Variants in DMD observed in about 807,000 individuals in gnomAD.
DMD encodes mutant dystrophin.
In DMD, 63 loss-of-function variants were observed where a neutral mutation model predicts 330.1. The observed-to-expected ratio is 0.19, with a 90% CI of 0.16 to 0.24. The LOEUF (loss-of-function observed/expected upper bound fraction) is 0.24. Ranked by LOEUF, DMD falls within the 10% of genes least tolerant of loss-of-function variation. The probability of loss-of-function intolerance (pLI) is 1.00; values close to 1 mark genes in which losing one functional copy is unlikely to be tolerated. For synonymous variants in DMD, 1,223 were observed against 959.8 expected (o/e 1.27, Z -5.07); for missense variants, 3,344 against 2,684.1 (o/e 1.25, Z -5.43).
chrX:32,621,581 C>T (rs2057995817), intron 11 of DMD, among the ~76,000 whole-genome samples: 1 of 109,967 alleles, frequency 9.1e-6, no homozygotes, highest in Non-Finnish European at 1.9e-5. Flanking sequence ...CCCTTGGCCT[C>T]CCAAAAGTGC....
chrX:32,819,470 G>A (rs775838069), intron 5 of DMD, among the ~76,000 whole-genome samples: 1 of 111,220 alleles, frequency 9.0e-6, no homozygotes, highest in Non-Finnish European at 1.9e-5. Context: ...AAAAAGAATT[G>A]CACTTAAGAA....
intron 62 of DMD, among the ~76,000 whole-genome samples, chrX:31,306,180 TAAAATTAGTTTTCAAATTTAAAA>T (rs1289948259): frequency 2.7e-5 from 3 of 110,168 alleles, no homozygotes; most frequent in Non-Finnish European, 5.6e-5. Context: ...AGGGTTTATA[TAAAATTAGTTTTCAAATTTAAAA>T]AAAAATCCAG....
At chrX:31,522,091 C>T (rs754815390) in intron 55 of DMD, among the ~76,000 whole-genome samples, 7 of 109,988 alleles carry the variant, frequency 6.4e-5, no homozygotes, top group African/African-American at 2.3e-4. Context: ...ATTAGCCTTG[C>T]CCCCCAAGAT....
intron 7 of DMD, among the ~76,000 whole-genome samples, chrX:32,801,909 T>C (rs1213442347): frequency 8.9e-6 from 1 of 111,980 alleles, no homozygotes; most frequent in Non-Finnish European, 1.9e-5. Context: ...TTGGTTACTG[T>C]AGCCTTGTAG....
intron 44 of DMD, among the ~76,000 whole-genome samples, chrX:32,067,596 G>C (rs901092001): frequency 9.0e-6 from 1 of 111,107 alleles, no homozygotes; most frequent in East Asian, 2.8e-4. Flanking sequence ...TCATAACTGA[G>C]TACATATAGT....
chrX:32,591,530 G>A (rs191623870), intron 13 of DMD, among the ~76,000 whole-genome samples: 5 of 111,641 alleles, frequency 4.5e-5, no homozygotes, highest in Admixed American at 9.5e-5. Context: ...TATAAACCAC[G>A]CTCTCTTGAT....
At chrX:32,840,482 T>G (rs1234291577) in intron 4 of DMD, among the ~76,000 whole-genome samples, 2 of 111,400 alleles carry the variant, frequency 1.8e-5, no homozygotes, top group African/African-American at 6.5e-5. Context: ...AAAATATACA[T>G]AAGTGTACAA....
At chrX:31,743,767 G>A (rs979728802) in intron 51 of DMD, among the ~76,000 whole-genome samples, 2 of 111,562 alleles carry the variant, frequency 1.8e-5, no homozygotes, top group Admixed American at 1.9e-4. Context: ...AGTATCATTT[G>A]TACTCCAAAC....
In DMD at chrX:33,211,467, G is replaced by A. The variant is rs960566728; in HGVS notation, c.-155C>T. On this transcript the variant is annotated 5_prime_UTR_variant, in exon 1 of 79. Coordinates refer to ENST00000357033, the MANE Select transcript of DMD (RefSeq NM_004006.3). ...CAGTTTTTCCTATTCGTTTTTCTCC[G>A]AAGGTAATTGCCTCCCAGATCTGAG... 48 of 1,127,199 alleles carry A rather than the reference G, an allele frequency of 4.3e-5. No individual in the cohort carries two copies. Among genetic ancestry groups the A allele is most frequent in the Non-Finnish European group, 8.2e-6 (7 of 853,199 alleles). The allele number at this position is 1,127,199 out of a possible 1,213,427, so 92.9% of individuals were successfully genotyped here. A position where few individuals can be genotyped will look rare whatever the true frequency, so the allele number is the denominator to read the frequency against.
chrX:32,148,067 C>T (rs537331753), intron 44 of DMD, among the ~76,000 whole-genome samples: 15 of 109,352 alleles, frequency 1.4e-4, no homozygotes, highest in African/African-American at 4.3e-4. Flanking sequence ...TTAGTAGAGA[C>T]GGGGTTTCAC....
chrX:32,300,142 G>A (rs181425414), intron 42 of DMD, among the ~76,000 whole-genome samples: 60 of 111,788 alleles, frequency 5.4e-4, no homozygotes, highest in African/African-American at 1.8e-3. Flanking sequence ...AATATCTGTT[G>A]ACTTGAAGTA....
At chrX:31,414,300 C>T (rs945009971) in intron 60 of DMD, among the ~76,000 whole-genome samples, 5 of 111,803 alleles carry the variant, frequency 4.5e-5, no homozygotes, top group African/African-American at 1.6e-4. Context: ...CAGGCATGAG[C>T]CACTGCACCC....
At chrX:33,179,142 T>C (rs2049829736) in intron 1 of DMD, among the ~76,000 whole-genome samples, 1 of 112,010 alleles carries the variant, frequency 8.9e-6, no homozygotes, top group Non-Finnish European at 1.9e-5. Context: ...GAGTACAGCC[T>C]GAAGTTATCT....
At chrX:32,567,816 A>T (rs1340320709) in intron 15 of DMD, among the ~76,000 whole-genome samples, 3 of 112,261 alleles carry the variant, frequency 2.7e-5, no homozygotes, top group African/African-American at 9.7e-5. Flanking sequence ...CCAAGCTGAG[A>T]GCCATATTTG....
At chrX:32,760,199 T>C (rs993249225) in intron 7 of DMD, among the ~76,000 whole-genome samples, 3 of 111,908 alleles carry the variant, frequency 2.7e-5, no homozygotes, top group Admixed American at 9.5e-5. Context: ...AAGGATCAAT[T>C]AGATAATAAA....
chrX:32,442,464 T>C (rs970729546), intron 27 of DMD, among the ~76,000 whole-genome samples: 1 of 111,380 alleles, frequency 9.0e-6, no homozygotes, highest in African/African-American at 3.2e-5. Context: ...TGAGATACCA[T>C]GTTGATTGAC....
chrX:31,175,240 G>C (rs1331654043), intron 71 of DMD, among the ~76,000 whole-genome samples: 1 of 111,103 alleles, frequency 9.0e-6, no homozygotes, highest in Non-Finnish European at 1.9e-5. Context: ...TACATTAGTA[G>C]TGTTTTCCCT....
chrX:33,018,640 G>C (rs1372616231), intron 2 of DMD, among the ~76,000 whole-genome samples: 1 of 111,575 alleles, frequency 9.0e-6, no homozygotes, highest in Non-Finnish European at 1.9e-5. Flanking sequence ...TCAGAGTATT[G>C]TTACATTTAC....
chrX:31,145,810 C>A (rs2036621630), intron 76 of DMD, among the ~76,000 whole-genome samples: 1 of 110,688 alleles, frequency 9.0e-6, no homozygotes, highest in Admixed American at 9.5e-5. Context: ...CTATAGGCGC[C>A]CACCACCATG....
Sources: gnomAD v4.1 joint callset for allele counts (sites outside exome capture counted in the v4.1 genomes callset) on GRCh38, gnomAD v4.1.1 for gene constraint, MANE v1.5 for transcripts, NCBI Gene and HGNC (gene_info 2026-07-23, HGNC 2026-07-21) for gene names.